WDR35: variants seen among roughly 807,000 people sequenced by gnomAD.
WDR35 encodes the protein WD repeat-containing protein 35.
Under a neutral mutation model 158.3 loss-of-function variants are expected in WDR35, and 118 were observed. That is an observed-to-expected ratio of 0.75 (90% CI 0.64 to 0.87). The LOEUF (loss-of-function observed/expected upper bound fraction) is 0.87. Ranked by LOEUF, WDR35 falls within the 40% of genes least tolerant of loss-of-function variation. The pLI is 0.00. For synonymous variants in WDR35, 448 were observed against 476.1 expected (o/e 0.94, Z 0.77); for missense variants, 1,263 against 1,405.8 (o/e 0.90, Z 1.62).
intron 8 of WDR35, 43 bp from the exon 9 acceptor site, chr2:19,969,648 C>T: frequency 6.3e-7 from 1 of 1,599,296 alleles, no homozygotes; most frequent in Non-Finnish European, 8.5e-7. Context: ...TAACAATTAA[C>T]TGAAATACAA....
At chr2:19,965,632 A>T in intron 10 of WDR35, among the ~76,000 whole-genome samples, 1 of 152,182 alleles carries the variant, frequency 6.6e-6, no homozygotes, top group South Asian at 2.1e-4. Context: ...TCCTGTTTTC[A>T]GCAGAGTTCC....
intron 11 of WDR35, among the ~76,000 whole-genome samples, chr2:19,954,373 G>T (rs1473780567): frequency 6.6e-6 from 1 of 152,126 alleles, no homozygotes; most frequent in African/African-American, 2.4e-5. Flanking sequence ...ACACTATCAA[G>T]AAAGTAAAGA....
chr2:19,953,971 C>G lies in WDR35; in HGVS notation c.1263G>C (p.Leu421Phe). 1 of 1,614,064 alleles carries G rather than the reference C, an allele frequency of 6.2e-7. No individual in the cohort carries two copies. Among genetic ancestry groups the G allele is most frequent in the South Asian group, 1.1e-5 (1 of 91,082 alleles). The part of the protein sequence containing the change: ...LDPKYIDIVP[L>F]FVAMTKTHVI... Reference sequence around the variant, plus strand: ...CATGGGTTTTGGTCATTGCAACAAACAATGGTACTGTTAAAAATAACATTA... The same window carrying G: ...CATGGGTTTTGGTCATTGCAACAAAGAATGGTACTGTTAAAAATAACATTA... Residue 421 changes from leucine (L) to phenylalanine (F), a missense_variant, in exon 12 of 27, where the codon TTG becomes TTC. Coordinates refer to ENST00000281405, the MANE Select transcript of WDR35 (RefSeq NM_020779.4).
intron 22 of WDR35, among the ~76,000 whole-genome samples, chr2:19,932,760 T>C (rs1210694410): frequency 6.7e-6 from 1 of 149,466 alleles, no homozygotes; most frequent in Non-Finnish European, 1.5e-5. Flanking sequence ...CACTTGTTTA[T>C]ATGTTATAGT....
chr2:19,936,397 T>A, intron 19 of WDR35, 32 bp from the exon 20 acceptor site: 2 of 1,613,608 alleles, frequency 1.2e-6, no homozygotes, highest in Non-Finnish European at 1.7e-6. Flanking sequence ...CATTCATTCA[T>A]CTATTTGACA....
chr2:19,959,656 CTT>C (rs1163184852), intron 11 of WDR35, among the ~76,000 whole-genome samples: 1 of 151,860 alleles, frequency 6.6e-6, no homozygotes, highest in Non-Finnish European at 1.5e-5. Flanking sequence ...CACCCAAACA[CTT>C]AGCAATTTTT....
intron 10 of WDR35, among the ~76,000 whole-genome samples, chr2:19,962,731 A>G (rs1454034156): frequency 6.6e-6 from 1 of 152,170 alleles, no homozygotes; most frequent in Non-Finnish European, 1.5e-5. Context: ...AACATTTAAA[A>G]AAAAATAAAA....
rs1417027013 is a variant in WDR35 at position 19,941,833 on chromosome 2, T to C, written c.1852A>G (p.Ile618Val). 1 of 1,570,806 alleles carries C rather than the reference T, an allele frequency of 6.4e-7. No homozygotes were observed. The highest frequency in any genetic ancestry group is 8.7e-7 in the Non-Finnish European group (1 of 1,150,530). Reference sequence around the variant, plus strand: ...TTACAAATATATCCAGAGGTCTGAATGGGTTCCTTTAAAGACAAAAAAAAA... The same window carrying C: ...TTACAAATATATCCAGAGGTCTGAACGGGTTCCTTTAAAGACAAAAAAAAA... Reference protein sequence around the residue: ...VFRNLDPEEPIQTSGYICNFE... With the variant: ...VFRNLDPEEPVQTSGYICNFE... The change falls in exon 17 of 27, where the codon ATT (isoleucine) becomes GTT (valine). Residue 618 changes from isoleucine (I) to valine (V), a missense_variant. By Grantham distance (29) the Ile-to-Val change is conservative. Coordinates refer to ENST00000281405, the MANE Select transcript of WDR35 (RefSeq NM_020779.4).
chr2:19,987,086 G>A (rs997762405), intron 2 of WDR35, among the ~76,000 whole-genome samples: 1 of 152,130 alleles, frequency 6.6e-6, no homozygotes, highest in Non-Finnish European at 1.5e-5. Flanking sequence ...CATTAACAAT[G>A]GTGCCATAGA....
At chr2:19,927,116 T>C (rs2103392473) in intron 25 of WDR35, among the ~76,000 whole-genome samples, 1 of 152,334 alleles carries the variant, frequency 6.6e-6, no homozygotes, top group Middle Eastern at 3.4e-3. Context: ...GCTATGAGTA[T>C]TCCTTCAGTA....
intron 4 of WDR35, among the ~76,000 whole-genome samples, chr2:19,980,230 G>A (rs774967911): frequency 7.9e-5 from 12 of 152,052 alleles, no homozygotes; most frequent in Non-Finnish European, 1.0e-4. Context: ...CATGTACACT[G>A]TGCTATGTAT....
intron 25 of WDR35, among the ~76,000 whole-genome samples, chr2:19,915,422 C>T (rs1279328601): frequency 1.4e-5 from 2 of 147,646 alleles, no homozygotes; most frequent in African/African-American, 5.0e-5. Context: ...TGTTTCAGAT[C>T]GTCTTACCAC....
At position 19,911,498 on chromosome 2, in the gene WDR35, G is replaced by T. The variant is rs542743646; in HGVS notation, c.*2060C>A. 3 of 152,320 alleles carry T rather than the reference G, an allele frequency of 2.0e-5. No homozygotes were observed. The East Asian group carries it at 5.8e-4, about 29-fold the overall frequency. The allele number at this position is 152,320 out of a possible 1,614,324, so 9.4% of individuals were successfully genotyped here. On this transcript the variant is annotated 3_prime_UTR_variant, in exon 27 of 27. Coordinates refer to ENST00000281405, the MANE Select transcript of WDR35 (RefSeq NM_020779.4). ...CAGAAAGTCCTGTGGAAAGATGCAA[G>T]TTCAACAGGAGATGTACTGTCTTAG...
At chr2:19,961,437 C>A (rs534644672) in intron 10 of WDR35, among the ~76,000 whole-genome samples, 1 of 152,194 alleles carries the variant, frequency 6.6e-6, no homozygotes, top group Non-Finnish European at 1.5e-5. Flanking sequence ...TTGAGTTAAG[C>A]CAACTTTCCA....
chr2:19,915,247 T>G (rs916889689), intron 25 of WDR35, among the ~76,000 whole-genome samples: 4 of 152,174 alleles, frequency 2.6e-5, no homozygotes, highest in African/African-American at 9.7e-5. Context: ...TCATGTGTTT[T>G]ACAATCAGAA....
intron 2 of WDR35, among the ~76,000 whole-genome samples, chr2:19,982,929 T>G (rs958631677): frequency 6.6e-6 from 1 of 152,220 alleles, no homozygotes; most frequent in South Asian, 2.1e-4. Context: ...TTCACTCATT[T>G]ATTCATTCAT....
At position 19,930,624 on chromosome 2, in the gene WDR35, A is replaced by G. The variant is rs138803877; in HGVS notation, c.2965-72T>C. The stretch of plus-strand genomic sequence containing the variant: ...ACAGTGTCAACTCCCAAATAACAAC[A>G]GTCATTAAAGTATCTAAATGAGCAG... On this transcript the variant is annotated intron_variant, in intron 24 of 26. Coordinates refer to ENST00000281405, the MANE Select transcript of WDR35 (RefSeq NM_020779.4). 1.1e-3 allele frequency: 1,796 copies of G among 1,597,240 alleles called. 15 individuals carry two copies. In the East Asian group the frequency reaches 0.015, roughly 13 times the overall value.
chr2:19,913,545 G>GT lies in WDR35; in HGVS notation c.*12dup. 1 of 1,613,932 alleles carries GT rather than the reference G, an allele frequency of 6.2e-7. No individual in the cohort carries two copies. The highest frequency in any genetic ancestry group is 1.7e-5 in the Admixed American group (1 of 60,016). On this transcript the variant is annotated 3_prime_UTR_variant, in exon 27 of 27. Transcript: ENST00000281405. ...TACATATATTTTACAGTTATATACA[G>GT]TTTATCATTCCTTTATCCCACTGGA...
chr2:19,966,604 G>C (rs1671861188), intron 10 of WDR35, 120 bp downstream of exon 10: 3 of 1,181,220 alleles, frequency 2.5e-6, no homozygotes, highest in South Asian at 2.7e-5. Context: ...TAGACCAATA[G>C]TGCCAACAGA....
Sources: allele counts gnomAD v4.1 joint callset (sites outside exome capture counted in the v4.1 genomes callset), GRCh38; gene constraint gnomAD v4.1.1; transcripts MANE v1.5; gene names NCBI Gene and HGNC (gene_info 2026-07-23, HGNC 2026-07-21).